Variants in SCAMP2 observed in about 807,000 individuals in gnomAD.
SCAMP2 encodes the protein secretory carrier-associated membrane protein 2.
A neutral mutation model predicts 44.1 loss-of-function variants in SCAMP2; 25 were observed. That is an observed-to-expected ratio of 0.57 (90% CI 0.41 to 0.79). The LOEUF (loss-of-function observed/expected upper bound fraction) is 0.79, where lower values mean the gene tolerates loss of function less well. Among genes scored for constraint, SCAMP2 ranks in the 30% least tolerant of loss-of-function variants. SCAMP2 has a pLI of 0.00. For missense variants in SCAMP2, 355 were observed against 411.0 expected (o/e 0.86, Z 1.18); for synonymous variants, 156 against 166.0 (o/e 0.94, Z 0.46).
chr15:74,865,468 A>G (rs1391899787), intron 1 of SCAMP2, among the ~76,000 whole-genome samples: 1 of 141,440 alleles, frequency 7.1e-6, no homozygotes, highest in African/African-American at 2.5e-5. Flanking sequence ...AGGTTTTTCA[A>G]GGGTGGGTGT....
chr15:74,845,593 G>T lies in SCAMP2; in HGVS notation c.735C>A (p.Ser245Arg). Residue 245 changes from serine to arginine, a missense_variant and splice_region_variant, in exon 8 of 9, where the codon AGC becomes AGA. By Grantham distance (110) the Ser-to-Arg change is moderately radical. Transcript: ENST00000268099. ...GTGTAGACAGGGCTGCAATCCAACC[G>T]CTATAAAGGGAAGAAGAGGCCAGAG... ...QLVGIPGLGD[S>R]GWIAALSTLD... 6.2e-7 allele frequency: 1 copy of T among 1,613,810 alleles called. No individual in the cohort carries two copies. Among genetic ancestry groups the T allele is most frequent in the Non-Finnish European group, 8.5e-7 (1 of 1,179,878 alleles).
intron 1 of SCAMP2, among the ~76,000 whole-genome samples, chr15:74,856,285 T>TA (rs1163274677): frequency 2.1e-5 from 3 of 144,210 alleles, no homozygotes; most frequent in Admixed American, 6.9e-5. Flanking sequence ...TTTTTTTTTT[T>TA]TTTTTTTAAG....
At chr15:74,869,750 A>G (rs1390153416) in intron 1 of SCAMP2, among the ~76,000 whole-genome samples, 1 of 152,176 alleles carries the variant, frequency 6.6e-6, no homozygotes, top group Non-Finnish European at 1.5e-5. Flanking sequence ...TATTTTTGCA[A>G]TCCACCATTT....
rs1055916201 is a variant in SCAMP2 at position 74,873,205 on chromosome 15, G to A, written c.51C>T (p.Pro17=). Residue 17 remains proline (P), a synonymous_variant, in exon 1 of 9, where the codon CCC becomes CCT. Transcript: ENST00000268099. ...GGCGGGAGAGGGGCTCTACCTGGAA[G>A]GGGTTTACATCCACTGGGTCCGCGA... ...NPFADPVDVN[P]FQDPSVTQLT... is the part of the protein sequence containing the mutation. 13 of 1,447,604 alleles carry A rather than the reference G, an allele frequency of 9.0e-6. No homozygotes were observed. The highest frequency in any genetic ancestry group is 1.5e-5 in the South Asian group (1 of 67,056). 89.7% of individuals were successfully genotyped at this position (1,447,604 alleles called of 1,614,324 possible). A position where few individuals can be genotyped will look rare whatever the true frequency, so the allele number is the denominator to read the frequency against.
chr15:74,857,225 C>T (rs1034224450), intron 1 of SCAMP2, among the ~76,000 whole-genome samples: 1 of 152,196 alleles, frequency 6.6e-6, no homozygotes, highest in Non-Finnish European at 1.5e-5. Context: ...ACCTCCTCTG[C>T]GACAGACTGT....
At chr15:74,857,285 A>G (rs2064474324) in intron 1 of SCAMP2, among the ~76,000 whole-genome samples, 1 of 152,156 alleles carries the variant, frequency 6.6e-6, no homozygotes, top group African/African-American at 2.4e-5. Flanking sequence ...GGCTCCTGCA[A>G]CTTGGACAAA....
intron 7 of SCAMP2, among the ~76,000 whole-genome samples, chr15:74,846,175 G>A (rs962012628): frequency 3.9e-5 from 6 of 152,074 alleles, no homozygotes; most frequent in Non-Finnish European, 8.8e-5. Context: ...CCAGCTACTC[G>A]GGAGACTGAG....
rs766633770 is a variant in SCAMP2 at position 74,852,110 on chromosome 15, C to T, written c.302G>A (p.Arg101His). The change falls in exon 4 of 9, where the codon CGC becomes CAC. Residue 101 changes from arginine (R) to histidine (H), a missense_variant. By Grantham distance (29) the Arg-to-His change is conservative (BLOSUM62 0). Transcript: ENST00000268099. ...AGTGTTCTGCAGCTCCCGCTCCTTG[C>T]GTTCCAGCTCGGCAGCTTTCCTGTC... ...ELDRKAAELE[R>H]KERELQNTVA... 9.4e-6 allele frequency: 15 copies of T among 1,592,852 alleles called. No individual in the cohort carries two copies. The African/African-American group carries it at 1.1e-4, about 12-fold the overall frequency.
intron 1 of SCAMP2, among the ~76,000 whole-genome samples, chr15:74,858,985 A>G (rs527562788): frequency 2.5e-4 from 37 of 150,860 alleles, no homozygotes; most frequent in Admixed American, 1.1e-3. Context: ...CTTTTTTTGT[A>G]TTTTTAGTAG....
At position 74,854,173 on chromosome 15, in the gene SCAMP2, C is replaced by T. The variant is rs1474932911; in HGVS notation, c.127-54G>A. 24 of 1,504,418 alleles carry T rather than the reference C, an allele frequency of 1.6e-5. No homozygotes were observed. The East Asian group carries it at 1.8e-4, about 11-fold the overall frequency. 93.2% of individuals were successfully genotyped at this position (1,504,418 alleles called of 1,614,324 possible). On this transcript the variant is annotated intron_variant, in intron 2 of 8. Coordinates refer to ENST00000268099, the MANE Select transcript of SCAMP2 (RefSeq NM_005697.5). The stretch of plus-strand genomic sequence containing the variant: ...TGAGTGGGACTCCATTAGCTGGTGA[C>T]GAGGGGGCAAACCCACAGCAGGATG...
intron 2 of SCAMP2, 148 bp from the exon 3 acceptor site, chr15:74,854,267 A>G: frequency 1.3e-6 from 1 of 791,248 alleles, no homozygotes; most frequent in African/African-American, 1.7e-5. Flanking sequence ...GTGGCTTCCC[A>G]GCCAACAAGC....
At chr15:74,850,037 C>T (rs1451968405) in intron 6 of SCAMP2, among the ~76,000 whole-genome samples, 1 of 152,202 alleles carries the variant, frequency 6.6e-6, no homozygotes, top group African/African-American at 2.4e-5. Flanking sequence ...TTCCAGAACC[C>T]CTGGGGGTCT....
chr15:74,851,841 T>C, intron 4 of SCAMP2: 1 of 450,404 alleles, frequency 2.2e-6, no homozygotes, highest in Non-Finnish European at 3.9e-6. Flanking sequence ...ATCAAGGAAT[T>C]TGAGAGCTAG....
chr15:74,854,992 G>A (rs769553289), intron 1 of SCAMP2, among the ~76,000 whole-genome samples: 1 of 147,946 alleles, frequency 6.8e-6, no homozygotes, highest in African/African-American at 2.5e-5. Context: ...TTTTTTTTGA[G>A]GGGTGGGGTG....
At position 74,854,552 on chromosome 15, in the gene SCAMP2, G is replaced by C. The variant is rs776391404; in HGVS notation, c.126+29C>G. 3.8e-6 allele frequency: 6 copies of C among 1,570,774 alleles called. No homozygotes were observed. In the South Asian group the frequency reaches 5.8e-5, roughly 15 times the overall value. On this transcript the variant is annotated intron_variant, in intron 2 of 8. Transcript: ENST00000268099. ...CCCAGCACCACCCTAGAGGGCCATG[G>C]GACTTGGAAAGAGGGCCTGCTCACC... is the stretch of plus-strand genomic sequence containing the variant.
At chr15:74,860,146 C>T (rs2064493540) in intron 1 of SCAMP2, among the ~76,000 whole-genome samples, 1 of 152,176 alleles carries the variant, frequency 6.6e-6, no homozygotes, top group Non-Finnish European at 1.5e-5. Flanking sequence ...CGCGGTGGCT[C>T]AGGCCTGTAA....
At chr15:74,848,855 C>T (rs1567249087) in intron 6 of SCAMP2, among the ~76,000 whole-genome samples, 154 bp from the exon 7 acceptor site, 2 of 152,168 alleles carry the variant, frequency 1.3e-5, no homozygotes, top group East Asian at 1.9e-4. Context: ...CGTAAGGACA[C>T]GCACACACCC....
chr15:74,851,414 G>A lies in SCAMP2; in HGVS notation c.411C>T (p.Phe137=). The A allele has an allele frequency of 1.2e-6, 2 of 1,614,104 alleles. No individual in the cohort carries two copies. The highest frequency in any genetic ancestry group is 1.7e-6 in the Non-Finnish European group (2 of 1,179,946). Reference sequence around the variant, plus strand: ...GGTAGTCGGCAGGGATCTCTGTGGAGAAATCCTGATAGAAGCAGGGCTTCA... The same window carrying A: ...GGTAGTCGGCAGGGATCTCTGTGGAAAAATCCTGATAGAAGCAGGGCTTCA... ...CPVKPCFYQD[F]STEIPADYQR... is the part of the protein sequence containing the mutation. The change falls in exon 5 of 9, where the codon TTC becomes TTT. Residue 137 remains phenylalanine, a synonymous_variant. Transcript: ENST00000268099.
At chr15:74,873,151 T>C in intron 1 of SCAMP2, 48 bp downstream of exon 1, 16 of 1,393,710 alleles carry the variant, frequency 1.1e-5, no homozygotes, top group Non-Finnish European at 1.4e-5. Flanking sequence ...GCGGCGGCCG[T>C]GGGCCCTAGG....
Sources: allele counts gnomAD v4.1 joint callset (sites outside exome capture counted in the v4.1 genomes callset), GRCh38; gene constraint gnomAD v4.1.1; transcripts MANE v1.5; gene names NCBI Gene and HGNC (gene_info 2026-07-23, HGNC 2026-07-21).